The following GNAT3 variants were observed in gnomAD, a reference collection of about 807,000 sequenced individuals.
The protein encoded by GNAT3 is G protein subunit alpha transducin 3.
A neutral mutation model predicts 37.7 loss-of-function variants in GNAT3; 31 were observed. That is an observed-to-expected ratio of 0.82 (90% CI 0.62 to 1.11). GNAT3 has a LOEUF of 1.11. Ranked by LOEUF, GNAT3 falls within the 50% of genes most tolerant of loss-of-function variation. GNAT3 has a pLI of 0.00. For missense variants in GNAT3, 437 were observed against 412.5 expected (o/e 1.06, Z -0.51); for synonymous variants, 138 against 139.8 (o/e 0.99, Z 0.09).
intron 1 of GNAT3, among the ~76,000 whole-genome samples, chr7:80,506,886 T>C (rs2116232687): frequency 6.6e-6 from 1 of 152,264 alleles, no homozygotes; most frequent in East Asian, 1.9e-4. Context: ...AGAACACTTA[T>C]CCACTCTCAA....
Position 80,458,708 on chromosome 7 carries a change from A to T in GNAT3, c.1028T>A (p.Ile343Lys). ...ACAGTCTTTTAGATTCTCTTTGATT[A>T]TTATATCTGTAACTGCGTCAAACAC... ...KFVFDAVTDI[I>K]IKENLKDCGL... Residue 343 changes from isoleucine to lysine, a missense_variant, in exon 8 of 8, where the codon ATA becomes AAA. Transcript: ENST00000398291. The T allele has an allele frequency of 6.3e-7, 1 of 1,589,396 alleles. No homozygotes were observed. The highest frequency in any genetic ancestry group is 8.6e-7 in the Non-Finnish European group (1 of 1,167,978).
At chr7:80,460,929 T>G (rs1252955537) in intron 7 of GNAT3, among the ~76,000 whole-genome samples, 1 of 151,982 alleles carries the variant, frequency 6.6e-6, no homozygotes, top group Non-Finnish European at 1.5e-5. Flanking sequence ...TGTTGAAACA[T>G]TTCATTTCTC....
intron 1 of GNAT3, among the ~76,000 whole-genome samples, chr7:80,495,636 AT>A (rs1216428425): frequency 6.6e-6 from 1 of 151,726 alleles, no homozygotes; most frequent in African/African-American, 2.4e-5. Context: ...TGCCTGGCTA[AT>A]TTTTTGTAGT....
intron 4 of GNAT3, among the ~76,000 whole-genome samples, chr7:80,474,868 G>C (rs1042078475): frequency 1.3e-5 from 2 of 152,058 alleles, no homozygotes; most frequent in Non-Finnish European, 2.9e-5. Flanking sequence ...TTGAATTTAG[G>C]CATTTTCGGT....
Position 80,474,272 on chromosome 7 carries a change from G to T in GNAT3, c.569C>A (p.Ser190Tyr). ...ATACCTGAAGTGCAAGTCTTTAAAG[G>T]AGAATTGAGTTTCAATGATTCCAGT... is the stretch of plus-strand genomic sequence containing the variant. ...KTTGIIETQF[S>Y]FKDLHFRMFD... Residue 190 changes from serine (S) to tyrosine (Y), a missense_variant, in exon 5 of 8, where the codon TCC becomes TAC. Coordinates refer to ENST00000398291, the MANE Select transcript of GNAT3 (RefSeq NM_001102386.3). 1.9e-6 allele frequency: 3 copies of T among 1,602,806 alleles called. No individual in the cohort carries two copies. The highest frequency in any genetic ancestry group is 1.7e-6 in the Non-Finnish European group (2 of 1,173,808).
At chr7:80,474,899 G>A (rs369067053) in intron 4 of GNAT3, among the ~76,000 whole-genome samples, 131 of 152,220 alleles carry the variant, frequency 8.6e-4, no homozygotes, top group African/African-American at 2.3e-3. Context: ...TGATTGGTTC[G>A]AATGTACTAA....
intron 1 of GNAT3, among the ~76,000 whole-genome samples, chr7:80,497,297 G>A (rs141748356): frequency 1.2e-4 from 18 of 152,160 alleles, no homozygotes; most frequent in African/African-American, 4.3e-4. Context: ...GTTTGTGAGA[G>A]TGGCAACTCA....
At chr7:80,502,538 AG>A (rs1357192521) in intron 1 of GNAT3, among the ~76,000 whole-genome samples, 1 of 152,102 alleles carries the variant, frequency 6.6e-6, no homozygotes, top group Non-Finnish European at 1.5e-5. Context: ...ATTTTTAAAA[AG>A]GCCTTGGTTA....
At chr7:80,510,591 T>C (rs1791048092) in intron 1 of GNAT3, among the ~76,000 whole-genome samples, 1 of 152,166 alleles carries the variant, frequency 6.6e-6, no homozygotes. Flanking sequence ...AGGAAGCATA[T>C]ATTTCCTGGT....
intron 4 of GNAT3, 32 bp from the exon 5 acceptor site, chr7:80,474,411 T>A: frequency 9.8e-7 from 1 of 1,022,900 alleles, no homozygotes. Flanking sequence ...TATATATGTG[T>A]ATATATAATA....
At chr7:80,509,722 G>C (rs1214068949) in intron 1 of GNAT3, among the ~76,000 whole-genome samples, 1 of 151,918 alleles carries the variant, frequency 6.6e-6, no homozygotes, top group Non-Finnish European at 1.5e-5. Context: ...TTGATTTTCA[G>C]TTCCAAATTT....
chr7:80,499,197 GATT>G lies in GNAT3; in HGVS notation c.119-4553_119-4551del, dbSNP rs1790789880. On this transcript the variant is annotated intron_variant, in intron 1 of 7. Coordinates refer to ENST00000398291, the MANE Select transcript of GNAT3 (RefSeq NM_001102386.3). ...GCGTGAGAAAAATGAATCCAATAGA[GATT>G]ATGATAATCATCCAAAGTTTCAGAT... is the stretch of plus-strand genomic sequence containing the variant. Among the ~76,000 whole-genome samples the G allele has an allele frequency of 2.6e-5, 4 of 152,090 alleles. No homozygotes were observed. The South Asian group carries it at 8.3e-4, about 31-fold the overall frequency.
intron 5 of GNAT3, among the ~76,000 whole-genome samples, chr7:80,463,404 G>A (rs1032125741): frequency 3.3e-5 from 5 of 152,060 alleles, no homozygotes; most frequent in Admixed American, 6.6e-5. Flanking sequence ...CAAAGGAGCT[G>A]TTTAATGTTT....
Position 80,458,665 on chromosome 7 carries a change from A to C in GNAT3, c.*6T>G, listed in dbSNP as rs2074673. ...CATGAGCAAGAGTGGAAGAGAAAAT[A>C]GTTGATTAGAAAAGCCCACAGTCTT... On this transcript the variant is annotated 3_prime_UTR_variant, in exon 8 of 8. Transcript: ENST00000398291. 8 of 1,467,250 alleles carry C rather than the reference A, an allele frequency of 5.5e-6. No individual in the cohort carries two copies. Among genetic ancestry groups the C allele is most frequent in the Non-Finnish European group, 7.4e-6 (8 of 1,086,736 alleles). The allele number at this position is 1,467,250 out of a possible 1,614,324, so 90.9% of individuals were successfully genotyped here.
intron 1 of GNAT3, among the ~76,000 whole-genome samples, chr7:80,502,517 T>C (rs1790852358): frequency 4.6e-5 from 7 of 152,088 alleles, no homozygotes; most frequent in Admixed American, 4.6e-4. Context: ...TAAATACATA[T>C]TGCAACAACG....
At chr7:80,479,417 A>AT (rs1401062490) in intron 3 of GNAT3, among the ~76,000 whole-genome samples, 1 of 152,042 alleles carries the variant, frequency 6.6e-6, no homozygotes. Flanking sequence ...AGAAAAAAAA[A>AT]GCCAAGTAAA....
At chr7:80,510,449 T>C (rs1160469522) in intron 1 of GNAT3, among the ~76,000 whole-genome samples, 1 of 152,174 alleles carries the variant, frequency 6.6e-6, no homozygotes, top group Non-Finnish European at 1.5e-5. Flanking sequence ...ATGTCATTGA[T>C]CTTAGTACAA....
intron 3 of GNAT3, among the ~76,000 whole-genome samples, chr7:80,484,351 G>A (rs1047899116): frequency 2.0e-5 from 3 of 152,112 alleles, no homozygotes; most frequent in Non-Finnish European, 2.9e-5. Flanking sequence ...TCGGTTTTCA[G>A]AATCTTTGAG....
intron 4 of GNAT3, among the ~76,000 whole-genome samples, chr7:80,478,065 C>A (rs191699186): frequency 6.6e-6 from 1 of 152,236 alleles, no homozygotes; most frequent in East Asian, 1.9e-4. Flanking sequence ...CACATGCCAC[C>A]ACACCTGGCT....
Sources: allele counts gnomAD v4.1 joint callset (sites outside exome capture counted in the v4.1 genomes callset), GRCh38; gene constraint gnomAD v4.1.1; transcripts MANE v1.5; gene names NCBI Gene and HGNC (gene_info 2026-07-23, HGNC 2026-07-21).